Variants in CDC25B observed in about 807,000 individuals in gnomAD.
The protein encoded by CDC25B is M-phase inducer phosphatase 2.
CDC25B carries 33 observed loss-of-function variants against 69.8 expected under a neutral mutation model. That is an observed-to-expected ratio of 0.47 (90% confidence interval 0.36 to 0.63). The LOEUF (loss-of-function observed/expected upper bound fraction) is 0.63, where lower values mean the gene tolerates loss of function less well. Among genes scored for constraint, CDC25B ranks in the 30% least tolerant of loss-of-function variants. The pLI, the probability that CDC25B is intolerant of heterozygous loss-of-function variation, is 0.00. For synonymous variants in CDC25B, 341 were observed against 314.6 expected (o/e 1.08, Z -0.89); for missense variants, 727 against 809.1 (o/e 0.90, Z 1.23).
upstream of CDC25B, among the ~76,000 whole-genome samples, chr20:3,794,257 C>T (rs2088969893): frequency 6.6e-6 from 1 of 150,878 alleles, no homozygotes; most frequent in Non-Finnish European, 1.5e-5. Flanking sequence ...CTCTCCAGCA[C>T]CTGTTGTTTC....
rs2089049639 is a variant in CDC25B, at chr20:3,796,426, C to CCT, written c.-105_-104insTC. ...CTTCCTCCCTCCCTCCTTCCCCCCC[C>CCT]CCCCACCCCTCGCCCGCTGCCTCCC... On this transcript the variant is annotated 5_prime_UTR_variant, in exon 1 of 16. Transcript: ENST00000245960. 9.7e-5 allele frequency: 22 copies of CCT among 227,516 alleles called. No individual in the cohort carries two copies. The South Asian group carries it at 1.1e-3, about 11-fold the overall frequency. The allele number at this position is 227,516 out of a possible 1,614,324, so 14.1% of individuals were successfully genotyped here.
In CDC25B at chr20:3,800,295, C is replaced by G. The variant is rs577575183; in HGVS notation, c.388C>G (p.Gln130Glu). The G allele has an allele frequency of 2.5e-6, 4 of 1,614,098 alleles. No homozygotes were observed. In the African/African-American group the frequency reaches 5.3e-5, roughly 22 times the overall value. ...DPHMAEQTFEQAIQAASRIIR... is the reference protein window; with the variant it reads ...DPHMAEQTFEEAIQAASRIIR... ...GACCCTTCTCTGTCCTAGGTTTGAA[C>G]AGGCCATCCAGGCAGCCAGCCGGAT... The change falls in exon 4 of 16, where the codon CAG becomes GAG. Residue 130 changes from glutamine to glutamate, a missense_variant. Coordinates refer to ENST00000245960, the MANE Select transcript of CDC25B (RefSeq NM_021873.4).
Position 3,801,783 on chromosome 20 carries a change from T to TGGAAAAGGAAGA in CDC25B, c.911_921+1dup. ...ATTAGTGCCCCACTGGTCAAGACCT[T>TGGAAAAGGAAGA]GGAAAAGGAAGAGGAAAAGGTGGGC... On this transcript the variant is annotated inframe_insertion, in exon 9 of 16. Transcript: ENST00000245960. The TGGAAAAGGAAGA allele has an allele frequency of 6.2e-7, 1 of 1,606,134 alleles. No homozygotes were observed. The highest frequency in any genetic ancestry group is 1.7e-5 in the Admixed American group (1 of 57,904).
chr20:3,803,807 CTT>C lies in CDC25B; in HGVS notation c.1490+273_1490+274del, dbSNP rs112599768. ...TTTAGTTCCAAGTCTCTAGCGGTGT[CTT>C]TTCTCGAAATCTAAGGGCCGCGTGT... On this transcript the variant is annotated intron_variant, in intron 14 of 15. Coordinates refer to ENST00000245960, the MANE Select transcript of CDC25B (RefSeq NM_021873.4). This position sits in a 1 kb window ranked among gnomAD's most constrained non-coding sequence, Gnocchi z 4.9. Among the ~76,000 whole-genome samples, 1 of 152,196 alleles carries C rather than the reference CTT, an allele frequency of 6.6e-6. No individual in the cohort carries two copies. The highest frequency in any genetic ancestry group is 2.4e-5 in the African/African-American group (1 of 41,422).
In CDC25B at chr20:3,806,100, T is replaced by A; in HGVS notation, c.*1139T>A. 2.5e-6 allele frequency: 1 copy of A among 395,970 alleles called. No homozygotes were observed. Among genetic ancestry groups the A allele is most frequent in the Non-Finnish European group, 4.5e-6 (1 of 224,596 alleles). 24.5% of individuals were successfully genotyped at this position (395,970 alleles called of 1,614,324 possible). ...TTAGGGCCTTGGTTCAATAAAGCAC[T>A]GAGCAAGTTGAGAAACCAGCATTGT... is the stretch of plus-strand genomic sequence containing the variant. On this transcript the variant is annotated 3_prime_UTR_variant, in exon 16 of 16. Transcript: ENST00000245960.
upstream of CDC25B, among the ~76,000 whole-genome samples, chr20:3,793,224 G>A (rs548394238): frequency 1.6e-3 from 248 of 152,242 alleles, 2 homozygotes; most frequent in Non-Finnish European, 2.8e-3. Flanking sequence ...TTGGGAGGCC[G>A]AGGTGGGTGG....
rs767798331 is a variant in CDC25B, at chr20:3,798,416, C to T, written c.333C>T (p.Leu111=). 3 of 1,580,322 alleles carry T rather than the reference C, an allele frequency of 1.9e-6. No individual in the cohort carries two copies. In the Admixed American group the frequency reaches 5.4e-5, roughly 28 times the overall value. ...SESSESSDAG[L]CMDSPSPMDP... ...CAAGGTGCTCTGTCCCCTCAGGTCT[C>T]TGCATGGATTCCCCCAGCCCTATGG... Residue 111 remains leucine, a synonymous_variant, in exon 3 of 16, where the codon CTC becomes CTT. Transcript: ENST00000245960.
At chr20:3,801,426 T>A (rs1344505783) in intron 8 of CDC25B, 38 bp downstream of exon 8, 1 of 1,553,374 alleles carries the variant, frequency 6.4e-7, no homozygotes, top group Non-Finnish European at 8.7e-7. Flanking sequence ...TACCTTCCTA[T>A]CCCTGGGTTC....
Position 3,796,429 on chromosome 20 carries a change from C to T in CDC25B, c.-103C>T, listed in dbSNP as rs1189914383. On this transcript the variant is annotated 5_prime_UTR_variant, in exon 1 of 16. Coordinates refer to ENST00000245960, the MANE Select transcript of CDC25B (RefSeq NM_021873.4). ...CCTCCCTCCCTCCTTCCCCCCCCCC[C>T]CACCCCTCGCCCGCTGCCTCCCTCG... 3.3e-5 allele frequency: 11 copies of T among 329,044 alleles called. No individual in the cohort carries two copies. The South Asian group carries it at 3.9e-4, about 12-fold the overall frequency. The allele number at this position is 329,044 out of a possible 1,614,324, so 20.4% of individuals were successfully genotyped here.
chr20:3,789,816 C>T (rs941471999), intron 1 of CDC25B, among the ~76,000 whole-genome samples: 72 of 152,142 alleles, frequency 4.7e-4, no homozygotes, highest in Non-Finnish European at 7.5e-4. Context: ...GGTGGAACCC[C>T]GTCTCTATTA....
At chr20:3,795,347 A>T (rs1344113266), upstream of CDC25B, among the ~76,000 whole-genome samples, 1 of 142,280 alleles carries the variant, frequency 7.0e-6, no homozygotes, top group African/African-American at 2.7e-5. Flanking sequence ...TGACAGAGGG[A>T]GACTCCATCC....
In CDC25B at chr20:3,801,734, G is replaced by C; in HGVS notation, c.853G>C (p.Val285Leu). The change falls in exon 9 of 16, where the codon GTT becomes CTT. Residue 285 changes from valine to leucine, a missense_variant. Val to Leu is a conservative substitution (Grantham distance 32, BLOSUM62 1). Coordinates refer to ENST00000245960, the MANE Select transcript of CDC25B (RefSeq NM_021873.4). ...AATCTGGCCTCAGGATGATGATGCA[G>C]TTCCCCCAGGCATGGAGAGTCTCAT... The part of the protein sequence containing the change: ...LESDLKDDDA[V>L]PPGMESLISA... 6.2e-7 allele frequency: 1 copy of C among 1,603,028 alleles called. No individual in the cohort carries two copies. Among genetic ancestry groups the C allele is most frequent in the African/African-American group, 1.3e-5 (1 of 74,542 alleles).
rs751716215 is a variant in CDC25B at position 3,801,136 on chromosome 20, A to G, written c.705+43A>G. ...ATCCCTGGGAGGGGCCTGGGGAGGC[A>G]GCCTCGGAGAAGAGGAGGGTGGCCC... On this transcript the variant is annotated intron_variant, in intron 7 of 15. Coordinates refer to ENST00000245960, the MANE Select transcript of CDC25B (RefSeq NM_021873.4). The G allele has an allele frequency of 2.5e-6, 4 of 1,610,030 alleles. No individual in the cohort carries two copies. In the East Asian group the frequency reaches 8.9e-5, roughly 36 times the overall value.
intron 4 of CDC25B, 60 bp from the exon 5 acceptor site, chr20:3,800,402 A>G (rs1035953532): frequency 1.2e-6 from 2 of 1,612,374 alleles, no homozygotes; most frequent in Admixed American, 1.7e-5. Context: ...GGCATGCTGC[A>G]TGCTCTTGGT....
Position 3,798,483 on chromosome 20 carries a change from T to C in CDC25B, c.380+20T>C. 1 of 1,574,404 alleles carries C rather than the reference T, an allele frequency of 6.4e-7. No homozygotes were observed. The highest frequency in any genetic ancestry group is 8.7e-7 in the Non-Finnish European group (1 of 1,154,060). On this transcript the variant is annotated intron_variant, in intron 3 of 15. Transcript: ENST00000245960. ...GCAGACGTGAGTAGAGAAGGGAATG[T>C]GTACTTCCAAGCATTCAGCACCTGT...
At chr20:3,794,382 CTG>C, upstream of CDC25B, among the ~76,000 whole-genome samples, 1 of 146,908 alleles carries the variant, frequency 6.8e-6, no homozygotes, top group African/African-American at 2.5e-5. Flanking sequence ...TGTTTTTTGA[CTG>C]TGGGATTTCA....
rs554137303 is a variant in CDC25B at position 3,801,370 on chromosome 20, C to G, written c.822C>G (p.Ile274Met). The G allele has an allele frequency of 2.0e-4, 329 of 1,612,756 alleles. 1 individual carries two copies. In the South Asian group the frequency reaches 3.2e-3, roughly 16 times the overall value. ...DTEEDDGFVD[I>M]LESDLKDDDA... ...AGGAAGATGATGGATTTGTGGACAT[C>G]CTAGAGAGTGACTTAAAGGTAAACA... Residue 274 changes from isoleucine to methionine, a missense_variant, in exon 8 of 16, where the codon ATC (isoleucine) becomes ATG (methionine). By Grantham distance (10) the Ile-to-Met change is conservative. Around this residue, in one of 2 missense-constraint regions of CDC25B, gnomAD observed 359 missense variants for 463.4 expected, o/e 0.77. Coordinates refer to ENST00000245960, the MANE Select transcript of CDC25B (RefSeq NM_021873.4).
At chr20:3,796,976 T>G (rs2089079730) in intron 1 of CDC25B, among the ~76,000 whole-genome samples, 1 of 152,066 alleles carries the variant, frequency 6.6e-6, no homozygotes, top group Non-Finnish European at 1.5e-5. Context: ...CCAAATCTTC[T>G]TTCCCCTCAC....
rs866055264 is a variant in CDC25B, at chr20:3,787,030, G to T, written c.-102G>T. 498 of 452,766 alleles carry T rather than the reference G, an allele frequency of 1.1e-3. 1 individual carries two copies. The highest frequency in any genetic ancestry group is 3.0e-3 in the African/African-American group (132 of 43,640). The allele number at this position is 452,766 out of a possible 1,614,324, so 28.0% of individuals were successfully genotyped here. A position where few individuals can be genotyped will look rare whatever the true frequency, so the allele number is the denominator to read the frequency against. On this transcript the variant is annotated 5_prime_UTR_variant, in exon 1 of 16. Coordinates refer to the CDC25B transcript ENST00000344256. ...AGAATAAGAACCAGGGTTTTTGTTT[G>T]TTTTTTTTTTTTTTAATTAAGGTAA...
Sources: gnomAD v4.1 joint callset for allele counts (sites outside exome capture counted in the v4.1 genomes callset) on GRCh38, gnomAD v4.1.1 for gene constraint, gnomAD v4.1.1 regional missense constraint, Gnocchi (gnomAD v3.1) non-coding constraint, MANE v1.5 for transcripts, NCBI Gene and HGNC (gene_info 2026-07-23, HGNC 2026-07-21) for gene names.